The following ROCK1 variants were observed in gnomAD, a reference collection of about 807,000 sequenced individuals.
ROCK1 encodes the protein Rho associated coiled-coil containing protein kinase 1.
A neutral mutation model predicts 196.8 loss-of-function variants in ROCK1; 36 were observed. The ratio of observed to expected loss-of-function variants is 0.18; its 90% confidence interval spans 0.14 to 0.24. ROCK1 has a LOEUF of 0.24. ROCK1 is among the 10% of genes least tolerant of loss of function. The pLI, the probability that ROCK1 is intolerant of heterozygous loss-of-function variation, is 1.00. For missense variants in ROCK1, 920 were observed against 1,562.0 expected, an observed-to-expected ratio of 0.59 and a Z score of 6.93; for synonymous variants, 443 against 515.9, an observed-to-expected ratio of 0.86 and a Z score of 1.91.
intron 17 of ROCK1, 113 bp downstream of exon 17, chr18:20,992,717 GA>G (rs1225051162): frequency 8.1e-6 from 5 of 618,824 alleles, no homozygotes; most frequent in Non-Finnish European, 1.3e-5. Context: ...AAAACTTTTA[GA>G]AATGTAACTA....
Position 21,091,254 on chromosome 18 carries a change from T to G in ROCK1, c.93+19564A>C, listed in dbSNP as rs141941436. 4.1e-3 allele frequency among the ~76,000 whole-genome samples: 623 copies of G among 152,286 alleles called. 5 individuals are homozygous for G. Among genetic ancestry groups the G allele is most frequent in the African/African-American group, 0.014 (597 of 41,558 alleles). ...TAGTAAATATATTTTCTCTCCCTTATGATTTTCCTAATATTTTCTTTTCTC... is the reference window on the plus strand; with the variant it reads ...TAGTAAATATATTTTCTCTCCCTTAGGATTTTCCTAATATTTTCTTTTCTC... On this transcript the variant is annotated intron_variant, in intron 1 of 32. Transcript: ENST00000399799.
At chr18:20,985,281 T>C (rs1240982126) in intron 19 of ROCK1, among the ~76,000 whole-genome samples, 2 of 152,244 alleles carry the variant, frequency 1.3e-5, no homozygotes, top group Admixed American at 1.3e-4. Flanking sequence ...TCAAAATTCA[T>C]ACAGTGGTTT....
At chr18:21,015,915 G>A (rs1026984407) in intron 12 of ROCK1, among the ~76,000 whole-genome samples, 1 of 151,858 alleles carries the variant, frequency 6.6e-6, no homozygotes, top group Non-Finnish European at 1.5e-5. Context: ...GGGAGGTGGA[G>A]GTTGCAGTGA....
intron 22 of ROCK1, among the ~76,000 whole-genome samples, chr18:20,977,753 CCTCAGAT>C (rs1178908481): frequency 1.3e-5 from 2 of 152,168 alleles, no homozygotes; most frequent in Non-Finnish European, 2.9e-5. Context: ...TCTTTCTGTT[CCTCAGAT>C]CACTGATTGG....
intron 22 of ROCK1, among the ~76,000 whole-genome samples, chr18:20,975,484 A>C (rs1304525056): frequency 6.6e-6 from 1 of 152,174 alleles, no homozygotes. Context: ...ACCTATTCTC[A>C]TCTCTATTTA....
At chr18:21,101,297 T>C (rs183715154) in intron 1 of ROCK1, among the ~76,000 whole-genome samples, 8 of 152,322 alleles carry the variant, frequency 5.3e-5, no homozygotes, top group East Asian at 3.9e-4. Context: ...ATGGAACCAT[T>C]AGATGAAAGG....
At chr18:21,091,154 C>G (rs1480775984) in intron 1 of ROCK1, among the ~76,000 whole-genome samples, 1 of 151,950 alleles carries the variant, frequency 6.6e-6, no homozygotes, top group Non-Finnish European at 1.5e-5. Flanking sequence ...AGACCAATCT[C>G]TCCTCCTCCT....
At chr18:20,960,002 G>T (rs2035311475) in intron 28 of ROCK1, 74 bp from the exon 29 acceptor site, 1 of 1,057,390 alleles carries the variant, frequency 9.5e-7, no homozygotes. Flanking sequence ...CATAATATTT[G>T]CCACTAATAT....
chr18:21,060,888 C>T (rs1257020520), intron 2 of ROCK1, among the ~76,000 whole-genome samples: 1 of 147,354 alleles, frequency 6.8e-6, no homozygotes, highest in Non-Finnish European at 1.5e-5. Context: ...AACTTGTACA[C>T]GAATATTTAC....
At chr18:21,099,659 C>T (rs189537986) in intron 1 of ROCK1, among the ~76,000 whole-genome samples, 3 of 152,290 alleles carry the variant, frequency 2.0e-5, no homozygotes, top group Admixed American at 6.5e-5. Context: ...GTGAGAGAAT[C>T]GCTTGAGCCC....
intron 26 of ROCK1, 43 bp from the exon 27 acceptor site, chr18:20,967,119 A>G (rs1299461325): frequency 7.8e-7 from 1 of 1,288,862 alleles, no homozygotes; most frequent in Non-Finnish European, 1.1e-6. Flanking sequence ...AAGCTAAAAC[A>G]ATTTCCAACA....
intron 1 of ROCK1, among the ~76,000 whole-genome samples, chr18:21,092,595 A>AAAAAAAAAAC (rs2036580544): frequency 2.0e-5 from 3 of 151,674 alleles, no homozygotes; most frequent in African/African-American, 7.3e-5. Context: ...AAAAAAAAAA[A>AAAAAAAAAAC]AAAAAAAAAC....
At chr18:21,050,548 T>C (rs1434942621) in intron 2 of ROCK1, among the ~76,000 whole-genome samples, 3 of 152,182 alleles carry the variant, frequency 2.0e-5, no homozygotes, top group Non-Finnish European at 4.4e-5. Context: ...GGTCATAGAT[T>C]AAAATAGGGC....
At position 21,068,899 on chromosome 18, in the gene ROCK1, T is replaced by C. The variant is rs570167723; in HGVS notation, c.175+1633A>G. Among the ~76,000 whole-genome samples the C allele has an allele frequency of 1.1e-4, 16 of 152,282 alleles. No homozygotes were observed. The South Asian group carries it at 1.4e-3, about 14-fold the overall frequency. Reference sequence around the variant, plus strand: ...TGAGGATTTTCTATATGGAAAATCATGCTGTCTAAATTGGGAAAGTTTTAC... The same window carrying C: ...TGAGGATTTTCTATATGGAAAATCACGCTGTCTAAATTGGGAAAGTTTTAC... On this transcript the variant is annotated intron_variant, in intron 2 of 32. Transcript: ENST00000399799.
intron 16 of ROCK1, among the ~76,000 whole-genome samples, chr18:21,003,932 TA>T (rs913826896): frequency 6.6e-6 from 1 of 152,168 alleles, no homozygotes; most frequent in Non-Finnish European, 1.5e-5. Flanking sequence ...AAAAGACTTT[TA>T]AAAATGGTTA....
intron 27 of ROCK1, among the ~76,000 whole-genome samples, chr18:20,962,562 A>G (rs2035337110): frequency 6.6e-6 from 1 of 152,154 alleles, no homozygotes; most frequent in African/African-American, 2.4e-5. Context: ...CAGTTTTAAT[A>G]TATCTTCAAT....
At chr18:21,051,350 A>G (rs569534273) in intron 2 of ROCK1, among the ~76,000 whole-genome samples, 35 of 152,288 alleles carry the variant, frequency 2.3e-4, no homozygotes, top group African/African-American at 8.4e-4. Context: ...GCTACTCAGG[A>G]GGCTGAGGTG....
intron 32 of ROCK1, among the ~76,000 whole-genome samples, chr18:20,952,162 C>CT (rs1297486683): frequency 5.3e-4 from 80 of 152,252 alleles, no homozygotes; most frequent in African/African-American, 1.8e-3. Context: ...GAAGGTGCAT[C>CT]ACCTGAGGTC....
intron 20 of ROCK1, among the ~76,000 whole-genome samples, chr18:20,983,146 T>A (rs574112837): frequency 2.6e-5 from 4 of 151,344 alleles, no homozygotes; most frequent in East Asian, 3.9e-4. Flanking sequence ...TTTGGTAAAT[T>A]TTTACAGAGA....
Sources: allele counts gnomAD v4.1 joint callset (sites outside exome capture counted in the v4.1 genomes callset), GRCh38; gene constraint gnomAD v4.1.1; transcripts MANE v1.5; gene names NCBI Gene and HGNC (gene_info 2026-07-23, HGNC 2026-07-21).